The following TRABD2B variants were observed in gnomAD, a reference collection of about 807,000 sequenced individuals.
TRABD2B encodes the protein TraB domain containing 2B.
TRABD2B carries 14 observed loss-of-function variants against 40.1 expected under a neutral mutation model. The observed-to-expected ratio is 0.35, with a 90% CI of 0.23 to 0.55. The LOEUF (loss-of-function observed/expected upper bound fraction) is 0.55. Ranked by LOEUF, TRABD2B falls within the 20% of genes least tolerant of loss-of-function variation. The probability of loss-of-function intolerance (pLI) is 0.90; values close to 1 mark genes in which losing one functional copy is unlikely to be tolerated. For missense variants in TRABD2B, 541 were observed against 648.6 expected, an observed-to-expected ratio of 0.83 and a Z score of 1.80; for synonymous variants, 263 against 277.0, an observed-to-expected ratio of 0.95 and a Z score of 0.50.
At chr1:47,774,645 A>G (rs923930187) in intron 6 of TRABD2B, among the ~76,000 whole-genome samples, 1 of 152,192 alleles carries the variant, frequency 6.6e-6, no homozygotes. Context: ...TCAACAAGAT[A>G]TATCACAAAT....
chr1:47,869,116 T>C (rs866859914), intron 2 of TRABD2B, among the ~76,000 whole-genome samples: 3 of 152,128 alleles, frequency 2.0e-5, no homozygotes, highest in Admixed American at 1.3e-4. Context: ...AAGAATTCCA[T>C]GTCATGGAAT....
chr1:47,779,620 G>C (rs1644493583), intron 4 of TRABD2B, among the ~76,000 whole-genome samples: 1 of 152,176 alleles, frequency 6.6e-6, no homozygotes, highest in Non-Finnish European at 1.5e-5. Context: ...GAGGTGCTGG[G>C]AGTCAACACT....
At chr1:47,951,065 G>T (rs1216135824) in intron 2 of TRABD2B, among the ~76,000 whole-genome samples, 2 of 152,158 alleles carry the variant, frequency 1.3e-5, no homozygotes, top group African/African-American at 2.4e-5. Flanking sequence ...GGGCATGGTG[G>T]TCCCAAAAGT....
At chr1:47,988,316 CTAA>C (rs1340105556) in intron 2 of TRABD2B, among the ~76,000 whole-genome samples, 1 of 152,150 alleles carries the variant, frequency 6.6e-6, no homozygotes, top group East Asian at 1.9e-4. Flanking sequence ...GCAAACAGGA[CTAA>C]TAATACCCAC....
intron 2 of TRABD2B, among the ~76,000 whole-genome samples, chr1:47,964,491 G>A (rs1293789490): frequency 6.6e-6 from 1 of 152,158 alleles, no homozygotes; most frequent in African/African-American, 2.4e-5. Flanking sequence ...GTCATGTTTT[G>A]AAATATTTTC....
rs1644258167 is a variant in TRABD2B at position 47,762,836 on chromosome 1, G to C, written c.*3066C>G. ...CCACTGGAGGAAGACCTGGGGACAT[G>C]GCCATTCCAACATGCCCCAGAGAGC... is the stretch of plus-strand genomic sequence containing the variant. On this transcript the variant is annotated 3_prime_UTR_variant, in exon 7 of 7. Coordinates refer to ENST00000606738, the MANE Select transcript of TRABD2B (RefSeq NM_001194986.2). The C allele has an allele frequency of 6.6e-6, 1 of 152,128 alleles. No individual in the cohort carries two copies. Among genetic ancestry groups the C allele is most frequent in the African/African-American group, 2.4e-5 (1 of 41,416 alleles). 9.4% of individuals were successfully genotyped at this position (152,128 alleles called of 1,614,324 possible). A position where few individuals can be genotyped will look rare whatever the true frequency, so the allele number is the denominator to read the frequency against.
intron 2 of TRABD2B, among the ~76,000 whole-genome samples, chr1:47,852,217 T>C (rs1645559350): frequency 6.6e-6 from 1 of 152,042 alleles, no homozygotes; most frequent in Non-Finnish European, 1.5e-5. Flanking sequence ...GACTGCGGCC[T>C]GAGATAGACG....
chr1:47,954,824 C>T (rs772312988), intron 2 of TRABD2B, among the ~76,000 whole-genome samples: 17 of 152,126 alleles, frequency 1.1e-4, no homozygotes, highest in Non-Finnish European at 1.9e-4. Context: ...GCTGCCACAT[C>T]TCCTCTTCCT....
intron 2 of TRABD2B, among the ~76,000 whole-genome samples, chr1:47,841,299 A>G (rs1645393209): frequency 6.6e-6 from 1 of 152,104 alleles, no homozygotes; most frequent in Non-Finnish European, 1.5e-5. Context: ...CTTGTCTCCT[A>G]AGGCAGGCCA....
chr1:47,860,156 T>A (rs1279742817), intron 2 of TRABD2B, among the ~76,000 whole-genome samples: 2 of 152,136 alleles, frequency 1.3e-5, no homozygotes, highest in Non-Finnish European at 2.9e-5. Flanking sequence ...TGCTGGTTGA[T>A]CTAAACCGAC....
intron 6 of TRABD2B, among the ~76,000 whole-genome samples, chr1:47,771,215 G>C (rs1239733916): frequency 2.0e-5 from 3 of 150,930 alleles, no homozygotes; most frequent in Non-Finnish European, 4.4e-5. Context: ...GGGCAGGAGG[G>C]AGACACTGCG....
At chr1:47,893,537 G>A (rs913867457) in intron 2 of TRABD2B, among the ~76,000 whole-genome samples, 1 of 152,226 alleles carries the variant, frequency 6.6e-6, no homozygotes, top group South Asian at 2.1e-4. Flanking sequence ...CCAGGCTGGT[G>A]TAGGTTCTCT....
chr1:47,861,067 G>A (rs999225246), intron 2 of TRABD2B, among the ~76,000 whole-genome samples: 3 of 152,164 alleles, frequency 2.0e-5, no homozygotes. Flanking sequence ...TGTGCTACAG[G>A]GGAGGAGATG....
At chr1:47,934,036 G>C (rs1028122069) in intron 2 of TRABD2B, among the ~76,000 whole-genome samples, 14 of 152,230 alleles carry the variant, frequency 9.2e-5, no homozygotes, top group African/African-American at 3.4e-4. Context: ...GTAGAAAGAA[G>C]GGGTTGGGGA....
At chr1:47,866,030 A>G (rs1461107920) in intron 2 of TRABD2B, among the ~76,000 whole-genome samples, 2 of 140,356 alleles carry the variant, frequency 1.4e-5, no homozygotes, top group African/African-American at 5.4e-5. Context: ...AGTAGAGTGC[A>G]TGAGTAAGTA....
chr1:47,840,455 T>C (rs565681410), intron 2 of TRABD2B, among the ~76,000 whole-genome samples: 2 of 152,248 alleles, frequency 1.3e-5, no homozygotes, highest in South Asian at 4.1e-4. Context: ...AACATTCTTT[T>C]CTCTGCTTAG....
chr1:47,859,466 G>T (rs915797256), intron 2 of TRABD2B, among the ~76,000 whole-genome samples: 1 of 152,238 alleles, frequency 6.6e-6, no homozygotes. Flanking sequence ...AACTGTGTGT[G>T]AGGATAGTCT....
intron 2 of TRABD2B, among the ~76,000 whole-genome samples, chr1:47,854,344 C>G (rs888443549): frequency 6.6e-6 from 1 of 152,214 alleles, no homozygotes; most frequent in African/African-American, 2.4e-5. Context: ...AGCCCCTGTT[C>G]TCTTCCTTCA....
chr1:47,892,042 A>G (rs895010147), intron 2 of TRABD2B, among the ~76,000 whole-genome samples: 4 of 152,200 alleles, frequency 2.6e-5, no homozygotes, highest in Non-Finnish European at 4.4e-5. Context: ...AATGTTTTGA[A>G]GGATGGCTCC....
Sources: allele counts gnomAD v4.1 joint callset (sites outside exome capture counted in the v4.1 genomes callset), GRCh38; gene constraint gnomAD v4.1.1; transcripts MANE v1.5; gene names NCBI Gene and HGNC (gene_info 2026-07-23, HGNC 2026-07-21).